The following PYGL variants were observed in gnomAD, a reference collection of about 807,000 sequenced individuals.
PYGL encodes the protein glycogen phosphorylase L.
A neutral mutation model predicts 100.1 loss-of-function variants in PYGL; 90 were observed. That is an observed-to-expected ratio of 0.90 (90% confidence interval 0.76 to 1.07). PYGL has a LOEUF of 1.07. Among genes scored for constraint, PYGL ranks in the 50% least tolerant of loss-of-function variants. The pLI is 0.00. For missense variants in PYGL, 1,016 were observed against 1,057.6 expected (o/e 0.96, Z 0.55); for synonymous variants, 373 against 393.0 (o/e 0.95, Z 0.60).
chr14:50,942,981 T>G (rs1431541900), intron 1 of PYGL, among the ~76,000 whole-genome samples: 1 of 152,234 alleles, frequency 6.6e-6, no homozygotes, highest in Non-Finnish European at 1.5e-5. Flanking sequence ...AAGAGTTACT[T>G]TCCATTTGAA....
At chr14:50,932,934 T>C (rs899711888) in intron 3 of PYGL, among the ~76,000 whole-genome samples, 8 of 152,210 alleles carry the variant, frequency 5.3e-5, no homozygotes, top group African/African-American at 9.6e-5. Context: ...TTCAAGTTTT[T>C]CTTACATCGC....
At chr14:50,909,125 T>C (rs1286060893) in intron 17 of PYGL, among the ~76,000 whole-genome samples, 170 bp from the exon 18 acceptor site, 4 of 152,238 alleles carry the variant, frequency 2.6e-5, no homozygotes, top group Non-Finnish European at 5.9e-5. Flanking sequence ...TAACTAGATC[T>C]GTAAGTTTTT....
At chr14:50,942,856 C>CAA (rs991964044) in intron 1 of PYGL, among the ~76,000 whole-genome samples, 7 of 146,240 alleles carry the variant, frequency 4.8e-5, no homozygotes, top group Non-Finnish European at 7.7e-5. Context: ...CAAAACAAAA[C>CAA]AACAAAACAG....
At chr14:50,927,239 C>T (rs1395765951) in intron 4 of PYGL, among the ~76,000 whole-genome samples, 2 of 152,074 alleles carry the variant, frequency 1.3e-5, no homozygotes, top group African/African-American at 4.8e-5. Flanking sequence ...TTTTCATTTT[C>T]TTTGAGACAC....
At chr14:50,943,583 GA>G (rs993526149) in intron 1 of PYGL, among the ~76,000 whole-genome samples, 1 of 152,238 alleles carries the variant, frequency 6.6e-6, no homozygotes, top group Non-Finnish European at 1.5e-5. Flanking sequence ...CCACTCAGGA[GA>G]ATGGGTGGGC....
chr14:50,909,572 C>A (rs186749539), intron 17 of PYGL, among the ~76,000 whole-genome samples: 2 of 146,688 alleles, frequency 1.4e-5, no homozygotes, highest in Non-Finnish European at 1.5e-5. Context: ...TATAGGCAAC[C>A]CTTCCAACTA....
intron 13 of PYGL, 189 bp from the exon 14 acceptor site, chr14:50,912,492 C>T (rs1566501521): frequency 1.5e-6 from 1 of 681,320 alleles, no homozygotes; most frequent in African/African-American, 1.8e-5. Flanking sequence ...CAGGTATACA[C>T]CACTACTGCC....
chr14:50,938,694 A>G (rs1007959342), intron 1 of PYGL, among the ~76,000 whole-genome samples: 1 of 152,164 alleles, frequency 6.6e-6, no homozygotes, highest in African/African-American at 2.4e-5. Flanking sequence ...GCAAAGCACT[A>G]TTTTTGGCGA....
chr14:50,942,784 G>T (rs1481230580), intron 1 of PYGL, among the ~76,000 whole-genome samples: 4 of 95,784 alleles, frequency 4.2e-5, no homozygotes, highest in African/African-American at 1.2e-4. Flanking sequence ...TGGCGCCGCT[G>T]CACTTCATTC....
At chr14:50,912,397 T>C in intron 13 of PYGL, 94 bp from the exon 14 acceptor site, 2 of 1,490,204 alleles carry the variant, frequency 1.3e-6, no homozygotes, top group Non-Finnish European at 1.8e-6. Flanking sequence ...CTCACTCTTT[T>C]GCCCAGGCTG....
intron 4 of PYGL, among the ~76,000 whole-genome samples, chr14:50,929,615 A>G (rs986317854): frequency 6.6e-6 from 1 of 152,200 alleles, no homozygotes; most frequent in Non-Finnish European, 1.5e-5. Flanking sequence ...ATAATAGTTA[A>G]GAGATAAGAA....
chr14:50,931,663 G>T lies in PYGL; in HGVS notation c.528+10C>A. The T allele has an allele frequency of 1.9e-6, 3 of 1,606,080 alleles. No homozygotes were observed. Among genetic ancestry groups the T allele is most frequent in the Non-Finnish European group, 2.6e-6 (3 of 1,172,966 alleles). On this transcript the variant is annotated intron_variant, in intron 4 of 19. Transcript: ENST00000216392. ...CTTAATGACAAAATTTAAAAAGATG[G>T]CTCACACACCTGCCATCCATCTCGG...
intron 1 of PYGL, among the ~76,000 whole-genome samples, chr14:50,941,374 G>A (rs923164758): frequency 2.0e-5 from 3 of 152,146 alleles, no homozygotes; most frequent in Non-Finnish European, 4.4e-5. Context: ...TCAGGCTGCC[G>A]GTTTTACCAC....
chr14:50,919,826 C>T (rs1051878862), intron 7 of PYGL, among the ~76,000 whole-genome samples: 14 of 152,176 alleles, frequency 9.2e-5, no homozygotes, highest in Admixed American at 2.6e-4. Context: ...GGATTACAGG[C>T]GCCTACCATC....
intron 17 of PYGL, 53 bp from the exon 18 acceptor site, chr14:50,909,008 G>A (rs1295268703): frequency 1.3e-6 from 2 of 1,537,806 alleles, no homozygotes; most frequent in Admixed American, 3.3e-5. Context: ...ATTGTGTTGT[G>A]TGATTAACAA....
In PYGL at chr14:50,920,934, C is replaced by G. The variant is rs778460726; in HGVS notation, c.772+22G>C. 4 of 1,587,858 alleles carry G rather than the reference C, an allele frequency of 2.5e-6. No individual in the cohort carries two copies. In the South Asian group the frequency reaches 4.4e-5, roughly 18 times the overall value. ...AAGATTAAGCACACGCATAAAGAAA[C>G]CAAGGCCTGTGCTGTACTCACAGTC... is the stretch of plus-strand genomic sequence containing the variant. On this transcript the variant is annotated intron_variant, in intron 6 of 19. Coordinates refer to ENST00000216392, the MANE Select transcript of PYGL (RefSeq NM_002863.5).
At chr14:50,906,967 C>A (rs957510034) in intron 19 of PYGL, among the ~76,000 whole-genome samples, 1 of 152,192 alleles carries the variant, frequency 6.6e-6, no homozygotes, top group Non-Finnish European at 1.5e-5. Flanking sequence ...TTTTATCTGC[C>A]TTGGGAAAGG....
intron 4 of PYGL, among the ~76,000 whole-genome samples, chr14:50,930,917 G>C (rs985292087): frequency 3.3e-5 from 5 of 151,122 alleles, no homozygotes; most frequent in African/African-American, 1.2e-4. Context: ...GACTCAAACA[G>C]TTACCAGAGA....
intron 17 of PYGL, among the ~76,000 whole-genome samples, chr14:50,909,588 T>C (rs2050371773): frequency 6.6e-6 from 1 of 152,220 alleles, no homozygotes. Flanking sequence ...AACTAGAAAC[T>C]GGTTCATCTT....
Sources: gnomAD v4.1 joint callset for allele counts (sites outside exome capture counted in the v4.1 genomes callset) on GRCh38, gnomAD v4.1.1 for gene constraint, MANE v1.5 for transcripts, NCBI Gene and HGNC (gene_info 2026-07-23, HGNC 2026-07-21) for gene names.